CTTNBP2: variants seen among roughly 807,000 people sequenced by gnomAD.
The protein encoded by CTTNBP2 is cortactin-binding protein 2.
Under a neutral mutation model 156.9 loss-of-function variants are expected in CTTNBP2, and 108 were observed. The observed-to-expected ratio is 0.69, with a 90% CI of 0.59 to 0.81. The LOEUF is 0.81. CTTNBP2 is among the 30% of genes least tolerant of loss of function. The pLI, the probability that CTTNBP2 is intolerant of heterozygous loss-of-function variation, is 0.00. For missense variants in CTTNBP2, 1,924 were observed against 2,035.4 expected (o/e 0.95, Z 1.05); for synonymous variants, 767 against 751.8 (o/e 1.02, Z -0.33).
At chr7:117,809,023 T>C (rs188777714) in intron 3 of CTTNBP2, among the ~76,000 whole-genome samples, 2 of 152,156 alleles carry the variant, frequency 1.3e-5, no homozygotes, top group African/African-American at 4.8e-5. Context: ...GCCAATGAAG[T>C]TGGCTATAAA....
At position 117,849,429 on chromosome 7, in the gene CTTNBP2, T is replaced by G. The variant is rs546478197; in HGVS notation, c.189+11780A>C. Among the ~76,000 whole-genome samples, 15 of 152,286 alleles carry G rather than the reference T, an allele frequency of 9.8e-5. No homozygotes were observed. The East Asian group carries it at 1.5e-3, about 16-fold the overall frequency. ...AATGAGATGAAGCTGATGCTGCAGG[T>G]ATGGAAACCACACTTGGAGAACAAA... On this transcript the variant is annotated intron_variant, in intron 2 of 22. Transcript: ENST00000160373.
chr7:117,728,228 TG>T lies in CTTNBP2; in HGVS notation c.3915del (p.Cys1305Ter). Reference sequence around the variant, plus strand: ...ACGGACAGAGCCCAGTCGACAATCTTGCACACAGGATCGCAGGGGGAGGGCG... The same window carrying T: ...ACGGACAGAGCCCAGTCGACAATCTTCACACAGGATCGCAGGGGGAGGGCG... ...GQAPSPCDPV[C>X]KIVDWALSVW... On this transcript the variant is annotated frameshift_variant, in exon 17 of 23. Coordinates refer to ENST00000160373, the MANE Select transcript of CTTNBP2 (RefSeq NM_033427.3). LOFTEE classifies it high-confidence loss of function. The T allele has an allele frequency of 6.2e-7, 1 of 1,614,016 alleles. No homozygotes were observed. Among genetic ancestry groups the T allele is most frequent in the Non-Finnish European group, 8.5e-7 (1 of 1,179,984 alleles).
intron 14 of CTTNBP2, among the ~76,000 whole-genome samples, chr7:117,740,975 C>T (rs1248787785): frequency 1.3e-5 from 2 of 152,096 alleles, no homozygotes; most frequent in Admixed American, 1.3e-4. Context: ...TGCAGCAGGA[C>T]AAGGATGAGA....
intron 1 of CTTNBP2, among the ~76,000 whole-genome samples, chr7:117,866,436 T>C (rs1190309280): frequency 6.6e-6 from 1 of 152,164 alleles, no homozygotes; most frequent in Non-Finnish European, 1.5e-5. Context: ...TGCTGGGGGA[T>C]ATGTTGGTGA....
intron 10 of CTTNBP2, among the ~76,000 whole-genome samples, chr7:117,758,607 C>T (rs1226697004): frequency 6.6e-6 from 1 of 152,038 alleles, no homozygotes; most frequent in Non-Finnish European, 1.5e-5. Context: ...AGCATGCCTC[C>T]AATATACATG....
At chr7:117,756,500 T>C in intron 12 of CTTNBP2, 55 bp downstream of exon 12, 4 of 1,403,334 alleles carry the variant, frequency 2.9e-6, no homozygotes, top group South Asian at 2.3e-5. Flanking sequence ...GGCCACCCAA[T>C]TTTCCAGTGG....
rs548225124 is a variant in CTTNBP2, at chr7:117,813,207, C to T, written c.190-2218G>A. Among the ~76,000 whole-genome samples, 3 of 152,302 alleles carry T rather than the reference C, an allele frequency of 2.0e-5. No individual in the cohort carries two copies. In the South Asian group the frequency reaches 6.2e-4, roughly 32 times the overall value. On this transcript the variant is annotated intron_variant, in intron 2 of 22. Coordinates refer to ENST00000160373, the MANE Select transcript of CTTNBP2 (RefSeq NM_033427.3). The stretch of plus-strand genomic sequence containing the variant: ...AGTGCCTGGTGATTTCTTAGAGGAA[C>T]ACCCCCTTTTGCACTGCTGGGACCC...
intron 12 of CTTNBP2, among the ~76,000 whole-genome samples, chr7:117,755,775 G>A (rs1159550878): frequency 1.3e-5 from 2 of 152,176 alleles, no homozygotes; most frequent in Non-Finnish European, 2.9e-5. Flanking sequence ...CAGACCACCT[G>A]GTTTTAGGTG....
intron 14 of CTTNBP2, among the ~76,000 whole-genome samples, chr7:117,744,275 ATTCT>A (rs1796191898): frequency 6.6e-6 from 1 of 150,726 alleles, no homozygotes; most frequent in African/African-American, 2.5e-5. Flanking sequence ...GGTCTCATTC[ATTCT>A]TTCTATTTTT....
At position 117,773,648 on chromosome 7, in the gene CTTNBP2, A is replaced by AACACACACAC. The variant is rs71528190; in HGVS notation, c.2778+3853_2778+3862dup. ...TAAAGCTTGGGAGTTGCTTAGAGTT[A>AACACACACAC]ACACACACACACACACACACACACA... On this transcript the variant is annotated intron_variant, in intron 8 of 22. Transcript: ENST00000160373. Among the ~76,000 whole-genome samples the AACACACACAC allele has an allele frequency of 8.6e-3, 818 of 95,100 alleles. 11 individuals are homozygous for AACACACACAC. The highest frequency in any genetic ancestry group is 0.016 in the East Asian group (50 of 3,082). The allele number at this position is 95,100 out of a possible 152,430, so 62.4% of individuals were successfully genotyped here.
At chr7:117,823,377 G>T (rs1196251619) in intron 2 of CTTNBP2, among the ~76,000 whole-genome samples, 1 of 152,064 alleles carries the variant, frequency 6.6e-6, no homozygotes, top group Non-Finnish European at 1.5e-5. Context: ...GAAAAAAATT[G>T]TTTAATATAT....
At chr7:117,789,357 C>T (rs1211797392) in intron 4 of CTTNBP2, among the ~76,000 whole-genome samples, 1 of 151,960 alleles carries the variant, frequency 6.6e-6, no homozygotes, top group African/African-American at 2.4e-5. Context: ...CTTCTATATC[C>T]TAGGAAGTGT....
At chr7:117,757,504 C>T (rs1016620870) in intron 11 of CTTNBP2, among the ~76,000 whole-genome samples, 1 of 135,978 alleles carries the variant, frequency 7.4e-6, no homozygotes, top group Non-Finnish European at 1.5e-5. Flanking sequence ...TCGTGATCAT[C>T]GTATTAAGCA....
chr7:117,851,999 A>C (rs1802958811), intron 2 of CTTNBP2, among the ~76,000 whole-genome samples: 2 of 152,160 alleles, frequency 1.3e-5, no homozygotes, highest in African/African-American at 2.4e-5. Context: ...CTAAAACTAG[A>C]TTCTGTTGAT....
rs1798585333 is a variant in CTTNBP2, at chr7:117,784,358, T to C, written c.2165A>G (p.Asn722Ser). The C allele has an allele frequency of 6.2e-7, 1 of 1,613,996 alleles. No individual in the cohort carries two copies. Among genetic ancestry groups the C allele is most frequent in the South Asian group, 1.1e-5 (1 of 91,054 alleles). ...TLLQQAAAQG[N>S]VTLLSMLLNE... ...AAGCAGCATTGATAATAAAGTGACATTTCCCTGGGCAGCAGCTTGCTGAAG... is the reference window on the plus strand; with the variant it reads ...AAGCAGCATTGATAATAAAGTGACACTTCCCTGGGCAGCAGCTTGCTGAAG... The change falls in exon 5 of 23, where the codon AAT becomes AGT. Residue 722 changes from asparagine (N) to serine (S), a missense_variant. Asn to Ser is a conservative substitution (Grantham distance 46). Transcript: ENST00000160373.
chr7:117,765,293 G>A (rs1337391965), intron 9 of CTTNBP2, among the ~76,000 whole-genome samples: 3 of 152,140 alleles, frequency 2.0e-5, no homozygotes, highest in Non-Finnish European at 4.4e-5. Flanking sequence ...CCTTATGGAA[G>A]TAATCATAAT....
At chr7:117,741,236 G>A (rs1200781377) in intron 14 of CTTNBP2, among the ~76,000 whole-genome samples, 2 of 152,120 alleles carry the variant, frequency 1.3e-5, no homozygotes, top group Admixed American at 1.3e-4. Context: ...AGGAGATAGA[G>A]GAAGCAGATT....
At chr7:117,837,800 G>A (rs1250621766) in intron 2 of CTTNBP2, among the ~76,000 whole-genome samples, 2 of 152,122 alleles carry the variant, frequency 1.3e-5, no homozygotes, top group Non-Finnish European at 2.9e-5. Context: ...GGATTTTGGA[G>A]AACTTTGAAT....
intron 16 of CTTNBP2, among the ~76,000 whole-genome samples, chr7:117,732,478 G>A (rs1007299308): frequency 2.3e-4 from 33 of 145,614 alleles, no homozygotes; most frequent in African/African-American, 4.8e-4. Context: ...GTGAAACCCC[G>A]TCTCTACTGA....
Sources: allele counts gnomAD v4.1 joint callset (sites outside exome capture counted in the v4.1 genomes callset), GRCh38; gene constraint gnomAD v4.1.1; transcripts MANE v1.5; gene names NCBI Gene and HGNC (gene_info 2026-07-23, HGNC 2026-07-21).